CEP128: variants seen among roughly 807,000 people sequenced by gnomAD.
CEP128 encodes centrosomal protein 128kDa.
Under a neutral mutation model 156.7 loss-of-function variants are expected in CEP128, and 132 were observed. The ratio of observed to expected loss-of-function variants is 0.84; its 90% CI spans 0.73 to 0.97. The LOEUF (loss-of-function observed/expected upper bound fraction) is 0.97. Ranked by LOEUF, CEP128 falls within the 50% of genes least tolerant of loss-of-function variation. The pLI is 0.00. For synonymous variants in CEP128, 469 were observed against 448.9 expected (o/e 1.04, Z -0.57); for missense variants, 1,252 against 1,281.9 (o/e 0.98, Z 0.36).
At chr14:80,831,035 C>T (rs781074583) in intron 13 of CEP128, 108 bp downstream of exon 13, 2 of 928,440 alleles carry the variant, frequency 2.2e-6, no homozygotes, top group East Asian at 2.5e-5. Flanking sequence ...TATCAATGCT[C>T]ACACTGGAGT....
At chr14:80,517,187 G>A (rs1888528369) in intron 23 of CEP128, among the ~76,000 whole-genome samples, 1 of 151,428 alleles carries the variant, frequency 6.6e-6, no homozygotes, top group African/African-American at 2.4e-5. Flanking sequence ...TTTTTTCAAA[G>A]AACCTGCTTT....
chr14:80,922,716 G>A (rs1308884807), intron 2 of CEP128, among the ~76,000 whole-genome samples: 1 of 152,000 alleles, frequency 6.6e-6, no homozygotes, highest in Admixed American at 6.6e-5. Flanking sequence ...TGTCTTTAAA[G>A]ATTTAAAAGA....
At chr14:80,640,267 T>C (rs2140783302) in intron 19 of CEP128, among the ~76,000 whole-genome samples, 1 of 152,286 alleles carries the variant, frequency 6.6e-6, no homozygotes, top group Non-Finnish European at 1.5e-5. Context: ...GGGAAAACTA[T>C]TTTTTAATCC....
chr14:80,742,713 AC>A (rs1398214123), intron 19 of CEP128: 52 of 230,238 alleles, frequency 2.3e-4, no homozygotes, highest in African/African-American at 1.1e-3. Flanking sequence ...TATCCTCTGT[AC>A]CTAGAATAGT....
chr14:80,945,046 G>A (rs990386336), upstream of CEP128, among the ~76,000 whole-genome samples: 14 of 151,956 alleles, frequency 9.2e-5, no homozygotes, highest in Admixed American at 9.2e-4. Flanking sequence ...GTTTACTAGG[G>A]ATTTGATTAA....
intron 16 of CEP128, among the ~76,000 whole-genome samples, chr14:80,775,291 T>C (rs2139757000): frequency 6.6e-6 from 1 of 152,342 alleles, no homozygotes; most frequent in Middle Eastern, 3.4e-3. Context: ...ATTATTGCTA[T>C]ACTATCTCTC....
intron 8 of CEP128, among the ~76,000 whole-genome samples, chr14:80,889,113 C>G (rs147557990): frequency 0.018 from 2,716 of 152,218 alleles, 96 homozygotes; most frequent in African/African-American, 0.062. Context: ...ACACCCACTG[C>G]TCAAGGAAAT....
At chr14:80,582,636 A>T (rs939474775) in intron 19 of CEP128, among the ~76,000 whole-genome samples, 4 of 152,064 alleles carry the variant, frequency 2.6e-5, no homozygotes, top group African/African-American at 9.7e-5. Context: ...GGATTGGACT[A>T]AGAATAGAAA....
downstream of CEP128, among the ~76,000 whole-genome samples, chr14:80,491,560 G>T (rs1198571327): frequency 1.3e-5 from 2 of 152,146 alleles, no homozygotes; most frequent in African/African-American, 4.8e-5. Flanking sequence ...TTTCAAATAT[G>T]CTAAGTATTA....
At position 80,784,929 on chromosome 14, in the gene CEP128, T is replaced by A. The variant is rs757108139; in HGVS notation, c.2177A>T (p.Lys726Met). The change falls in exon 15 of 25, where the codon AAG becomes ATG. Residue 726 changes from lysine to methionine, a missense_variant. Lys to Met is a moderately conservative substitution (Grantham distance 95, BLOSUM62 -1). Transcript: ENST00000555265. ...CCTGATATGATTCTCAGCCTCACTCTTTTCTTTCTTAAAGTGCTTCATAAG... is the reference window on the plus strand; with the variant it reads ...CCTGATATGATTCTCAGCCTCACTCATTTCTTTCTTAAAGTGCTTCATAAG... ...QELMKHFKKE[K>M]SEAENHIRTL... 1.9e-6 allele frequency: 3 copies of A among 1,613,444 alleles called. No homozygotes were observed. In the East Asian group the frequency reaches 6.7e-5, roughly 36 times the overall value.
At chr14:80,902,241 T>G (rs951717196) in intron 6 of CEP128, among the ~76,000 whole-genome samples, 1 of 152,240 alleles carries the variant, frequency 6.6e-6, no homozygotes, top group Non-Finnish European at 1.5e-5. Context: ...AGACAAGGTT[T>G]CTGCTCATCA....
At chr14:80,526,813 G>A in intron 23 of CEP128, 56 bp downstream of exon 23, 2 of 931,502 alleles carry the variant, frequency 2.1e-6, no homozygotes, top group East Asian at 2.4e-5. Flanking sequence ...TTAAGAGGTT[G>A]TAGCCTTAAA....
exon 15 of CEP128, chr14:80,478,225 T>C (rs1166708365): frequency 6.6e-6 from 1 of 152,176 alleles, no homozygotes; most frequent in Non-Finnish European, 1.5e-5. Flanking sequence ...GAGTCAGTTA[T>C]TGCTTAAGCC....
intron 9 of CEP128, among the ~76,000 whole-genome samples, chr14:80,853,304 A>C (rs2140125412): frequency 6.6e-6 from 1 of 151,932 alleles, no homozygotes; most frequent in East Asian, 1.9e-4. Context: ...CAGTGCAATA[A>C]GATAAAAAAA....
chr14:80,594,766 A>C (rs1686796801), intron 19 of CEP128, among the ~76,000 whole-genome samples: 1 of 152,242 alleles, frequency 6.6e-6, no homozygotes, highest in Non-Finnish European at 1.5e-5. Context: ...TCAAAACCAC[A>C]ATGAGATACC....
At chr14:80,932,013 A>G (rs8021757) in intron 2 of CEP128, among the ~76,000 whole-genome samples, 26,774 of 152,110 alleles carry the variant, frequency 0.18, 4,228 homozygotes, top group African/African-American at 0.43. Flanking sequence ...ATTGACTCAT[A>G]GGGGCAGTTA....
At chr14:80,584,795 G>T (rs768134979) in intron 19 of CEP128, among the ~76,000 whole-genome samples, 1 of 152,148 alleles carries the variant, frequency 6.6e-6, no homozygotes, top group Non-Finnish European at 1.5e-5. Context: ...GTTCTTATCA[G>T]CATGGAAAGA....
intron 19 of CEP128, among the ~76,000 whole-genome samples, chr14:80,629,355 T>A (rs1005227370): frequency 5.9e-5 from 9 of 152,156 alleles, no homozygotes; most frequent in African/African-American, 2.2e-4. Flanking sequence ...ATCTAGCAGG[T>A]GAACACTTGA....
intron 23 of CEP128, among the ~76,000 whole-genome samples, chr14:80,505,780 A>C (rs1252010548): frequency 1.3e-5 from 2 of 152,208 alleles, no homozygotes; most frequent in Non-Finnish European, 2.9e-5. Context: ...GTAAAACTGT[A>C]CTTTCTTCCC....
Sources: gnomAD v4.1 joint callset for allele counts (sites outside exome capture counted in the v4.1 genomes callset) on GRCh38, gnomAD v4.1.1 for gene constraint, MANE v1.5 for transcripts, NCBI Gene and HGNC (gene_info 2026-07-23, HGNC 2026-07-21) for gene names.